The following PON1 variants were observed in gnomAD, a reference collection of about 807,000 sequenced individuals.
PON1 encodes the protein paraoxonase 1.
In PON1, 37 loss-of-function variants were observed where a neutral mutation model predicts 39.2. The ratio of observed to expected loss-of-function variants is 0.94; its 90% confidence interval spans 0.73 to 1.24. The LOEUF is 1.24. Ranked by LOEUF, PON1 falls within the 50% of genes most tolerant of loss-of-function variation. PON1 has a pLI of 0.00. For missense variants in PON1, 397 were observed against 413.5 expected (o/e 0.96, Z 0.35); for synonymous variants, 148 against 152.2 (o/e 0.97, Z 0.21).
chr7:95,321,091 G>A (rs1388128265), intron 1 of PON1, among the ~76,000 whole-genome samples: 1 of 152,166 alleles, frequency 6.6e-6, no homozygotes, highest in Non-Finnish European at 1.5e-5. Flanking sequence ...CAGAGATCAT[G>A]GGATGAGAGA....
chr7:95,311,208 T>TC (rs1807645118), intron 5 of PON1, among the ~76,000 whole-genome samples: 1 of 152,152 alleles, frequency 6.6e-6, no homozygotes, highest in Non-Finnish European at 1.5e-5. Flanking sequence ...ATAACTTGAA[T>TC]GGAGATCCTG....
chr7:95,301,079 A>C (rs854555), intron 8 of PON1, among the ~76,000 whole-genome samples: 81,572 of 151,590 alleles, frequency 0.54, 23,488 homozygotes, highest in Non-Finnish European at 0.65. Context: ...TTAACAATAC[A>C]CAGCAGTAGA....
chr7:95,299,202 T>C (rs1807362515), intron 8 of PON1, 100 bp from the exon 9 acceptor site: 3 of 1,234,922 alleles, frequency 2.4e-6, no homozygotes, highest in Admixed American at 1.7e-5. Flanking sequence ...TATAATCTTA[T>C]ACAATGAGAT....
At chr7:95,319,384 A>G (rs1408353946) in intron 1 of PON1, among the ~76,000 whole-genome samples, 1 of 152,198 alleles carries the variant, frequency 6.6e-6, no homozygotes, top group African/African-American at 2.4e-5. Context: ...CATTCAGAAA[A>G]AAATGAGTAC....
chr7:95,303,029 A>C (rs530858842), intron 7 of PON1, among the ~76,000 whole-genome samples: 1 of 152,296 alleles, frequency 6.6e-6, no homozygotes, highest in Non-Finnish European at 1.5e-5. Flanking sequence ...GCTGCCTTCT[A>C]CTGGGGAGAA....
At chr7:95,312,179 T>C (rs1429644040) in intron 4 of PON1, among the ~76,000 whole-genome samples, 1 of 152,008 alleles carries the variant, frequency 6.6e-6, no homozygotes, top group Non-Finnish European at 1.5e-5. Flanking sequence ...CATGATCAAA[T>C]TGGCGTTTTT....
rs535682825 is a variant in PON1, at chr7:95,322,539, G to A, written c.74+1863C>T. On this transcript the variant is annotated intron_variant, in intron 1 of 8. Coordinates refer to ENST00000222381, the MANE Select transcript of PON1 (RefSeq NM_000446.7). ...ACTGTGTGTTGCCTACAGTAAGCATGGAATGGCAGAAATGCATCGAGAGGC... is the reference window on the plus strand; with the variant it reads ...ACTGTGTGTTGCCTACAGTAAGCATAGAATGGCAGAAATGCATCGAGAGGC... Among the ~76,000 whole-genome samples, 183 of 152,222 alleles carry A rather than the reference G, an allele frequency of 1.2e-3. 1 individual carries two copies. Among genetic ancestry groups the A allele is most frequent in the African/African-American group, 4.3e-3 (177 of 41,534 alleles).
intron 1 of PON1, among the ~76,000 whole-genome samples, chr7:95,320,807 G>A (rs1240390918): frequency 3.3e-5 from 5 of 152,234 alleles, no homozygotes; most frequent in East Asian, 1.9e-4. Flanking sequence ...AATGTTCTGG[G>A]CCTAAGAGAT....
chr7:95,308,135 G>C lies in PON1; in HGVS notation c.574C>G (p.Gln192Glu), dbSNP rs763222419. ...AAACCCAAATACATCTCCCAGGATT[G>C]TAAGTAGGGGTCAAGAAAATAGTGA... ...NDHYFLDPYL[Q>E]SWEMYLGLAW... is the part of the protein sequence containing the mutation. The change falls in exon 6 of 9, where the codon CAA (glutamine) becomes GAA (glutamate). Residue 192 changes from glutamine to glutamate, a missense_variant. Transcript: ENST00000222381. 9.3e-6 allele frequency: 15 copies of C among 1,613,954 alleles called. 1 individual carries two copies. Among genetic ancestry groups the C allele is most frequent in the Middle Eastern group, 1.6e-4 (1 of 6,084 alleles).
chr7:95,308,100 C>T lies in PON1; in HGVS notation c.609G>A (p.Ser203=), dbSNP rs141624867. The T allele has an allele frequency of 1.5e-4, 245 of 1,613,942 alleles. No individual in the cohort carries two copies. Among genetic ancestry groups the T allele is most frequent in the Middle Eastern group, 8.2e-4 (5 of 6,084 alleles). ...CACTTGGACTATAGTAGACAACATACGACCACGCTAAACCCAAATACATCT... is the reference window on the plus strand; with the variant it reads ...CACTTGGACTATAGTAGACAACATATGACCACGCTAAACCCAAATACATCT... ...SWEMYLGLAW[S]YVVYYSPSEV... is the part of the protein sequence containing the mutation. Residue 203 remains serine (S), a synonymous_variant, in exon 6 of 9, where the codon TCG becomes TCA. Coordinates refer to ENST00000222381, the MANE Select transcript of PON1 (RefSeq NM_000446.7).
chr7:95,301,078 C>T (rs1023968993), intron 8 of PON1, among the ~76,000 whole-genome samples: 1 of 151,142 alleles, frequency 6.6e-6, no homozygotes, highest in African/African-American at 2.4e-5. Context: ...TTTAACAATA[C>T]ACAGCAGTAG....
rs763624169 is a variant in PON1 at position 95,298,965 on chromosome 7, T to A, written c.1047A>T (p.Lys349Asn). 3 of 1,614,134 alleles carry A rather than the reference T, an allele frequency of 1.9e-6. No individual in the cohort carries two copies. The South Asian group carries it at 3.3e-5, about 18-fold the overall frequency. Reference sequence around the variant, plus strand: ...TCTGTTAGAGCTCACAGTAAAGAGCTTTGTGAAACACTGTGCCAATCAGCA... The same window carrying A: ...TCTGTTAGAGCTCACAGTAAAGAGCATTGTGAAACACTGTGCCAATCAGCA... ...GKLLIGTVFHKALYCEL is the reference protein window; with the variant it reads ...GKLLIGTVFHNALYCEL The change falls in exon 9 of 9, where the codon AAA becomes AAT. Residue 349 changes from lysine to asparagine, a missense_variant. Transcript: ENST00000222381.
rs994030364 is a variant in PON1 at position 95,315,451 on chromosome 7, T to C, written c.241A>G (p.Ser81Gly). The C allele has an allele frequency of 1.9e-6, 3 of 1,614,028 alleles. No homozygotes were observed. The highest frequency in any genetic ancestry group is 2.5e-6 in the Non-Finnish European group (3 of 1,180,006). Residue 81 changes from serine to glycine, a missense_variant, in exon 4 of 9, where the codon AGT becomes GGT. Coordinates refer to ENST00000222381, the MANE Select transcript of PON1 (RefSeq NM_000446.7). ...YPGIKSFNPN[S>G]PGKILLMDLN... is the part of the protein sequence containing the mutation. ...TCCATCAGAAGTATTTTTCCAGGAC[T>C]GTTGGGGTTGAAGCTCTTTATTCCA...
At chr7:95,312,254 C>T (rs373783154) in intron 4 of PON1, among the ~76,000 whole-genome samples, 106 of 152,272 alleles carry the variant, frequency 7.0e-4, no homozygotes, top group Non-Finnish European at 1.2e-3. Context: ...AGTGCAATGG[C>T]GCCATCTCGG....
chr7:95,306,214 C>T (rs1807537791), intron 7 of PON1, 71 bp downstream of exon 7: 2 of 1,340,950 alleles, frequency 1.5e-6, no homozygotes, highest in Admixed American at 1.7e-5. Flanking sequence ...CTTTTTTCTT[C>T]ACATTTAATT....
intron 7 of PON1, 22 bp from the exon 8 acceptor site, chr7:95,302,355 A>G (rs1585691749): frequency 1.3e-6 from 2 of 1,594,212 alleles, no homozygotes; most frequent in Admixed American, 1.7e-5. Context: ...AAAAACAAGA[A>G]AAGAACAAGA....
chr7:95,316,750 A>T lies in PON1; in HGVS notation c.185T>A (p.Leu62Gln), dbSNP rs1200269102. Residue 62 changes from leucine to glutamine, a missense_variant, in exon 3 of 9, where the codon CTG becomes CAG. Coordinates refer to ENST00000222381, the MANE Select transcript of PON1 (RefSeq NM_000446.7). Reference protein sequence around the residue: ...SEDLEILPNGLAFISSGLKYP... With the variant: ...SEDLEILPNGQAFISSGLKYP... ...AACACTCACAGAGCTAATGAAAGCC[A>T]GTCCATTAGGCAGTATCTCCAAGTC... 6.2e-7 allele frequency: 1 copy of T among 1,613,444 alleles called. No individual in the cohort carries two copies. The highest frequency in any genetic ancestry group is 1.7e-4 in the Middle Eastern group (1 of 6,056).
intron 7 of PON1, among the ~76,000 whole-genome samples, chr7:95,303,322 A>G (rs537372740): frequency 6.6e-6 from 1 of 150,828 alleles, no homozygotes; most frequent in East Asian, 2.0e-4. Context: ...AGTCTTTCTT[A>G]CCCCAGAGAC....
intron 7 of PON1, among the ~76,000 whole-genome samples, chr7:95,303,770 A>G (rs1807482886): frequency 6.6e-6 from 1 of 152,158 alleles, no homozygotes; most frequent in Non-Finnish European, 1.5e-5. Flanking sequence ...TGCGTATCAC[A>G]TCTCACACTC....
Sources: allele counts gnomAD v4.1 joint callset (sites outside exome capture counted in the v4.1 genomes callset), GRCh38; gene constraint gnomAD v4.1.1; transcripts MANE v1.5; gene names NCBI Gene and HGNC (gene_info 2026-07-23, HGNC 2026-07-21).